Variants in MAPK8 observed in about 807,000 individuals in gnomAD.
The protein encoded by MAPK8 is mitogen-activated protein kinase 8.
Under a neutral mutation model 52.9 loss-of-function variants are expected in MAPK8, and 13 were observed. The ratio of observed to expected loss-of-function variants is 0.25; its 90% confidence interval spans 0.16 to 0.39. The LOEUF (loss-of-function observed/expected upper bound fraction) is 0.39. Ranked by LOEUF, MAPK8 falls within the 10% of genes least tolerant of loss-of-function variation. The pLI, the probability that MAPK8 is intolerant of heterozygous loss-of-function variation, is 1.00. For missense variants in MAPK8, 300 were observed against 519.2 expected, an observed-to-expected ratio of 0.58 and a Z score of 4.10; for synonymous variants, 191 against 169.8, an observed-to-expected ratio of 1.12 and a Z score of -0.97.
At chr10:48,365,686 T>C (rs1271989541) in intron 1 of MAPK8, among the ~76,000 whole-genome samples, 1 of 152,174 alleles carries the variant, frequency 6.6e-6, no homozygotes, top group Admixed American at 6.6e-5. Flanking sequence ...TAAAGAATCT[T>C]TGACAAAAGT....
intron 5 of MAPK8, among the ~76,000 whole-genome samples, chr10:48,415,644 G>A (rs1481030078): frequency 6.6e-6 from 1 of 152,036 alleles, no homozygotes; most frequent in African/African-American, 2.4e-5. Context: ...TAAAACAAGG[G>A]TAACTCTATT....
At chr10:48,353,736 A>G (rs1846562591) in intron 1 of MAPK8, among the ~76,000 whole-genome samples, 1 of 152,246 alleles carries the variant, frequency 6.6e-6, no homozygotes, top group East Asian at 1.9e-4. Flanking sequence ...ACTCTTAAAG[A>G]CATTATGCTG....
chr10:48,414,205 C>A (rs555442301), intron 5 of MAPK8, among the ~76,000 whole-genome samples: 55 of 152,162 alleles, frequency 3.6e-4, no homozygotes, highest in African/African-American at 1.3e-3. Flanking sequence ...TTTTACCTAG[C>A]ATAATCTTTT....
chr10:48,375,006 C>T (rs2040564262), intron 1 of MAPK8, among the ~76,000 whole-genome samples: 1 of 152,070 alleles, frequency 6.6e-6, no homozygotes, highest in African/African-American at 2.4e-5. Context: ...ACCGGCAAAC[C>T]AAATCCAGCA....
intron 1 of MAPK8, among the ~76,000 whole-genome samples, chr10:48,372,859 C>T (rs1002160338): frequency 6.6e-6 from 1 of 152,072 alleles, no homozygotes; most frequent in Non-Finnish European, 1.5e-5. Context: ...AGGCCAGCAA[C>T]ATTCAAATTC....
intron 1 of MAPK8, among the ~76,000 whole-genome samples, chr10:48,399,282 A>AC (rs562658947): frequency 3.3e-4 from 50 of 152,338 alleles, no homozygotes; most frequent in Non-Finnish European, 3.1e-4. Flanking sequence ...TGTTAACAGT[A>AC]CGTAGCATGG....
chr10:48,378,085 T>C (rs892331300), intron 1 of MAPK8, among the ~76,000 whole-genome samples: 5 of 152,084 alleles, frequency 3.3e-5, no homozygotes, highest in African/African-American at 1.2e-4. Flanking sequence ...AAGCTTTTCT[T>C]CCCCCCTCCC....
chr10:48,358,149 A>G (rs1252736348), intron 1 of MAPK8, among the ~76,000 whole-genome samples: 1 of 152,102 alleles, frequency 6.6e-6, no homozygotes. Context: ...TTGTTTGAGT[A>G]TCTGTTTTCA....
At chr10:48,410,009 T>TCTC (rs772400236) in intron 4 of MAPK8, 21 bp from the exon 5 acceptor site, 1 of 1,603,604 alleles carries the variant, frequency 6.2e-7, no homozygotes, top group South Asian at 1.1e-5. Flanking sequence ...CTTTAGCTGT[T>TCTC]CTCTTTTTTC....
chr10:48,434,217 A>G (rs896174353), intron 11 of MAPK8, among the ~76,000 whole-genome samples: 1 of 152,222 alleles, frequency 6.6e-6, no homozygotes, highest in Admixed American at 6.5e-5. Context: ...CTTATCAAGT[A>G]TTAGAGTAGA....
intron 5 of MAPK8, among the ~76,000 whole-genome samples, chr10:48,414,333 AC>A (rs2042942860): frequency 6.6e-6 from 1 of 152,072 alleles, no homozygotes; most frequent in Non-Finnish European, 1.5e-5. Flanking sequence ...TTGGGTTGTT[AC>A]CACTGACTAT....
chr10:48,361,594 T>C (rs1369201558), intron 1 of MAPK8, among the ~76,000 whole-genome samples: 1 of 152,222 alleles, frequency 6.6e-6, no homozygotes, highest in African/African-American at 2.4e-5. Context: ...TTTCACACTT[T>C]AAAGCAAATA....
chr10:48,320,211 CTTTTTTTTTTTTTT>C (rs71026206), intron 1 of MAPK8, among the ~76,000 whole-genome samples: 2,407 of 35,516 alleles, frequency 0.068, 174 homozygotes, highest in African/African-American at 0.2. Context: ...ACTGCTCGGC[CTTTTTTTTTTTTTT>C]TTTTTTTTTT....
At chr10:48,327,331 A>G (rs929046748) in intron 1 of MAPK8, among the ~76,000 whole-genome samples, 2 of 152,150 alleles carry the variant, frequency 1.3e-5, no homozygotes, top group African/African-American at 4.8e-5. Flanking sequence ...GTCTGCATCC[A>G]TTGATATGAC....
chr10:48,372,190 C>G (rs1589105439), intron 1 of MAPK8, among the ~76,000 whole-genome samples: 1 of 151,984 alleles, frequency 6.6e-6, no homozygotes. Flanking sequence ...TTTCAACCCT[C>G]TAATTATGAT....
chr10:48,427,264 T>C (rs1259631440), intron 10 of MAPK8, 121 bp downstream of exon 10: 2 of 604,700 alleles, frequency 3.3e-6, no homozygotes, highest in Non-Finnish European at 5.8e-6. Context: ...TGTGGTAATA[T>C]TAATATTTTT....
intron 1 of MAPK8, among the ~76,000 whole-genome samples, chr10:48,373,330 A>G (rs1279282418): frequency 6.6e-6 from 1 of 151,996 alleles, no homozygotes; most frequent in Non-Finnish European, 1.5e-5. Flanking sequence ...TGCATCAACT[A>G]ATGGGCAAAA....
chr10:48,347,923 T>C (rs1170660897), intron 1 of MAPK8, among the ~76,000 whole-genome samples: 1 of 152,226 alleles, frequency 6.6e-6, no homozygotes, highest in Non-Finnish European at 1.5e-5. Context: ...AGTAATGGGA[T>C]TGCTGGGTCA....
chr10:48,309,551 T>C (rs1841765015), intron 1 of MAPK8, among the ~76,000 whole-genome samples: 1 of 152,190 alleles, frequency 6.6e-6, no homozygotes, highest in Non-Finnish European at 1.5e-5. Flanking sequence ...ATTAATGTGG[T>C]TATAATCTTA....
Sources: allele counts gnomAD v4.1 joint callset (sites outside exome capture counted in the v4.1 genomes callset), GRCh38; gene constraint gnomAD v4.1.1; transcripts MANE v1.5; gene names NCBI Gene and HGNC (gene_info 2026-07-23, HGNC 2026-07-21).